The following PRDM11 variants were observed in gnomAD, a reference collection of about 807,000 sequenced individuals.
The protein encoded by PRDM11 is PR/SET domain 11, also known as PR domain-containing protein 11.
PRDM11 carries 20 observed loss-of-function variants against 97.8 expected under a neutral mutation model. The observed-to-expected ratio is 0.20, with a 90% CI of 0.14 to 0.30. The LOEUF is 0.30. Ranked by LOEUF, PRDM11 falls within the 10% of genes least tolerant of loss-of-function variation. The pLI, the probability that PRDM11 is intolerant of heterozygous loss-of-function variation, is 1.00. For missense variants in PRDM11, 1,139 were observed against 1,555.2 expected (o/e 0.73, Z 4.50); for synonymous variants, 599 against 637.7 (o/e 0.94, Z 0.91).
At chr11:45,112,762 C>G (rs566217921) in intron 1 of PRDM11, among the ~76,000 whole-genome samples, 2 of 151,564 alleles carry the variant, frequency 1.3e-5, no homozygotes, top group African/African-American at 4.9e-5. Context: ...TATTCATGTC[C>G]TTTGCCCACT....
At chr11:45,115,622 C>A (rs1488346827) in intron 1 of PRDM11, among the ~76,000 whole-genome samples, 1 of 152,118 alleles carries the variant, frequency 6.6e-6, no homozygotes, top group African/African-American at 2.4e-5. Context: ...AAAGTTATAT[C>A]ATGCAAGCAT....
At position 45,227,130 on chromosome 11, in the gene PRDM11, C is replaced by T; in HGVS notation, c.2505C>T (p.Leu835=). The T allele has an allele frequency of 1.3e-6, 2 of 1,533,976 alleles. No individual in the cohort carries two copies. Among genetic ancestry groups the T allele is most frequent in the Non-Finnish European group, 8.7e-7 (1 of 1,146,736 alleles). The change falls in exon 8 of 8, where the codon CTC becomes CTT. Residue 835 remains leucine, a synonymous_variant. Transcript: ENST00000683152. This position sits in a 1 kb window ranked among gnomAD's most constrained non-coding sequence, Gnocchi z 8.0. ...VRWIIGEQNV[L]NALIKDYLEV... is the part of the protein sequence containing the mutation. ...GGATCATCGGCGAGCAGAACGTCCT[C>T]AACGCTCTCATCAAGGACTACCTGG...
At chr11:45,107,623 G>A (rs945845570) in intron 1 of PRDM11, among the ~76,000 whole-genome samples, 2 of 152,092 alleles carry the variant, frequency 1.3e-5, no homozygotes, top group East Asian at 1.9e-4. Context: ...TAGTTGAGTG[G>A]GGGACAGGGC....
chr11:45,233,598 CG>C lies in PRDM11; in HGVS notation c.*5440del, dbSNP rs1310563357. ...TCAAGAGCTGGTCCAGGAAAGATAC[CG>C]CCCCTGCCCTGTTAGATGCTTCTGC... On this transcript the variant is annotated 3_prime_UTR_variant, in exon 8 of 8. Transcript: ENST00000683152. The C allele has an allele frequency of 2.6e-4, 39 of 152,306 alleles. No individual in the cohort carries two copies. The highest frequency in any genetic ancestry group is 2.5e-3 in the Admixed American group (38 of 15,286). The allele number at this position is 152,306 out of a possible 1,614,324, so 9.4% of individuals were successfully genotyped here.
intron 1 of PRDM11, among the ~76,000 whole-genome samples, chr11:45,127,829 G>A (rs533423482): frequency 1.1e-4 from 17 of 152,358 alleles, no homozygotes; most frequent in South Asian, 4.1e-4. Flanking sequence ...CAGTCTGCCC[G>A]TTCTCAGATC....
intron 4 of PRDM11, among the ~76,000 whole-genome samples, chr11:45,184,047 T>C (rs1852614767): frequency 6.6e-6 from 1 of 152,182 alleles, no homozygotes; most frequent in African/African-American, 2.4e-5. Flanking sequence ...GGAGGTAATA[T>C]GGGTAGAGGT....
At chr11:45,213,812 A>G (rs1295553288) in intron 5 of PRDM11, 2 of 438,174 alleles carry the variant, frequency 4.6e-6, no homozygotes, top group Non-Finnish European at 9.3e-6. Flanking sequence ...GAGGGCCAGG[A>G]CTGGAAGCCA....
intron 1 of PRDM11, chr11:45,095,941 C>T (rs368735881): frequency 2.6e-5 from 20 of 775,350 alleles, no homozygotes; most frequent in African/African-American, 1.0e-4. Context: ...CTCCTCAAAA[C>T]GCTTGCACTT....
At chr11:45,225,520 C>T (rs1412846876) in intron 7 of PRDM11, among the ~76,000 whole-genome samples, 1 of 152,190 alleles carries the variant, frequency 6.6e-6, no homozygotes, top group African/African-American at 2.4e-5. Flanking sequence ...GTATTCAAAG[C>T]ATGCGTCTGA....
chr11:45,181,772 C>T lies in PRDM11; in HGVS notation c.6C>T (p.Thr2=), dbSNP rs370662873. 60 of 1,612,776 alleles carry T rather than the reference C, an allele frequency of 3.7e-5. No individual in the cohort carries two copies. Among genetic ancestry groups the T allele is most frequent in the South Asian group, 2.5e-4 (23 of 91,034 alleles). M[T]ENMKECLAQT... is the part of the protein sequence containing the mutation. Reference sequence around the variant, plus strand: ...CTCCTGCGTCCCAGGACAGAATGACCGAGAACATGAAGGAGTGCTTGGCCC... The same window carrying T: ...CTCCTGCGTCCCAGGACAGAATGACTGAGAACATGAAGGAGTGCTTGGCCC... Residue 2 remains threonine (T), a synonymous_variant, in exon 2 of 8, where the codon ACC becomes ACT. Coordinates refer to ENST00000683152, the MANE Select transcript of PRDM11 (RefSeq NM_001384648.1).
At chr11:45,220,773 C>A (rs552389368) in intron 6 of PRDM11, among the ~76,000 whole-genome samples, 2 of 152,146 alleles carry the variant, frequency 1.3e-5, no homozygotes, top group Non-Finnish European at 2.9e-5. Flanking sequence ...TGTGGGAAGC[C>A]GGGTGGGTTC....
At chr11:45,208,516 C>T (rs1853596667) in intron 5 of PRDM11, among the ~76,000 whole-genome samples, 1 of 152,176 alleles carries the variant, frequency 6.6e-6, no homozygotes, top group Non-Finnish European at 1.5e-5. Context: ...ATGTGTTTCC[C>T]TCCTTAGTAA....
rs1854276346 is a variant in PRDM11, at chr11:45,226,443, C to T, written c.1818C>T (p.Tyr606=). 1 of 1,533,980 alleles carries T rather than the reference C, an allele frequency of 6.5e-7. No individual in the cohort carries two copies. The highest frequency in any genetic ancestry group is 8.7e-7 in the Non-Finnish European group (1 of 1,146,728). Residue 606 remains tyrosine, a synonymous_variant, in exon 8 of 8, where the codon TAC becomes TAT. Coordinates refer to ENST00000683152, the MANE Select transcript of PRDM11 (RefSeq NM_001384648.1). ...AYHLALEGRP[Y]LDFRPLAELL... Reference sequence around the variant, plus strand: ...ACCTGGCCTTGGAGGGCAGGCCCTACCTGGACTTCCGGCCCCTGGCGGAGC... The same window carrying T: ...ACCTGGCCTTGGAGGGCAGGCCCTATCTGGACTTCCGGCCCCTGGCGGAGC...
rs145199719 is a variant in PRDM11 at position 45,183,863 on chromosome 11, G to A, written c.486+740G>A. ...GTATCTCCTTTGTGCCAGGCACTGG[G>A]CTGGCCCTGGAAATACAGTGGTGGG... On this transcript the variant is annotated intron_variant, in intron 4 of 7. Coordinates refer to ENST00000683152, the MANE Select transcript of PRDM11 (RefSeq NM_001384648.1). 1.7e-3 allele frequency among the ~76,000 whole-genome samples: 252 copies of A among 152,304 alleles called. 2 individuals carry two copies. The highest frequency in any genetic ancestry group is 5.6e-3 in the African/African-American group (234 of 41,562).
At chr11:45,216,655 A>G (rs1853965072) in intron 5 of PRDM11, among the ~76,000 whole-genome samples, 1 of 152,234 alleles carries the variant, frequency 6.6e-6, no homozygotes, top group African/African-American at 2.4e-5. Flanking sequence ...TATACATTGT[A>G]TTTCAAATGC....
At chr11:45,117,873 T>C (rs763802557) in intron 1 of PRDM11, among the ~76,000 whole-genome samples, 4 of 152,190 alleles carry the variant, frequency 2.6e-5, no homozygotes, top group Non-Finnish European at 4.4e-5. Flanking sequence ...AACTGTACTG[T>C]GGGAAAACCT....
At chr11:45,215,446 C>T (rs533734035) in intron 5 of PRDM11, among the ~76,000 whole-genome samples, 2 of 152,218 alleles carry the variant, frequency 1.3e-5, no homozygotes, top group African/African-American at 2.4e-5. Context: ...GCAAAGATGT[C>T]GTGAAACCAT....
Position 45,226,576 on chromosome 11 carries a change from C to G in PRDM11, c.1951C>G (p.Arg651Gly). 6.5e-7 allele frequency: 1 copy of G among 1,533,938 alleles called. No homozygotes were observed. The highest frequency in any genetic ancestry group is 8.7e-7 in the Non-Finnish European group (1 of 1,146,726). Residue 651 changes from arginine to glycine, a missense_variant, in exon 8 of 8, where the codon CGC (arginine) becomes GGC (glycine). Arg to Gly is a moderately radical substitution (Grantham distance 125). This residue lies in a region of PRDM11 where 710 missense variants were observed against 1,044.9 expected (regional missense o/e 0.68). Coordinates refer to ENST00000683152, the MANE Select transcript of PRDM11 (RefSeq NM_001384648.1). ...ARALREDLVE[R>G]IRQSPCLSVI... is the part of the protein sequence containing the mutation. ...GGCCCTGCGGGAAGACCTGGTGGAG[C>G]GCATCCGCCAGTCACCTTGCCTCAG...
chr11:45,178,701 C>T (rs544673976), intron 1 of PRDM11, among the ~76,000 whole-genome samples: 1 of 152,318 alleles, frequency 6.6e-6, no homozygotes, highest in South Asian at 2.1e-4. Flanking sequence ...GGAGAGTCAG[C>T]CAAGCAAGGT....
Sources: allele counts gnomAD v4.1 joint callset (sites outside exome capture counted in the v4.1 genomes callset), GRCh38; gene constraint gnomAD v4.1.1; regional missense constraint gnomAD v4.1.1; non-coding constraint Gnocchi (gnomAD v3.1); transcripts MANE v1.5; gene names NCBI Gene and HGNC (gene_info 2026-07-23, HGNC 2026-07-21).